Variants in SEL1L2 observed in about 807,000 individuals in gnomAD.
The protein encoded by SEL1L2 is protein sel-1 homolog 2.
In SEL1L2, 89 loss-of-function variants were observed where a neutral mutation model predicts 98.8. The observed-to-expected ratio is 0.90, with a 90% confidence interval of 0.76 to 1.07. The LOEUF (loss-of-function observed/expected upper bound fraction) is 1.07. Ranked by LOEUF, SEL1L2 falls within the 50% of genes least tolerant of loss-of-function variation. SEL1L2 has a pLI of 0.00. For synonymous variants in SEL1L2, 262 were observed against 278.5 expected (o/e 0.94, Z 0.59); for missense variants, 788 against 812.0 (o/e 0.97, Z 0.36).
intron 17 of SEL1L2, among the ~76,000 whole-genome samples, chr20:13,863,353 C>T (rs150480677): frequency 1.4e-3 from 208 of 152,200 alleles, no homozygotes; most frequent in Middle Eastern, 6.8e-3. Flanking sequence ...TCAGCTCCAC[C>T]CTAATAAGGG....
At chr20:13,964,447 A>ATTTTT (rs369646828) in intron 1 of SEL1L2, among the ~76,000 whole-genome samples, 2 of 111,466 alleles carry the variant, frequency 1.8e-5, no homozygotes, top group Non-Finnish European at 3.4e-5. Context: ...CTATCTCTTC[A>ATTTTT]TTTTTTTTTT....
intron 18 of SEL1L2, among the ~76,000 whole-genome samples, chr20:13,850,922 T>A (rs1452299780): frequency 1.3e-5 from 2 of 152,120 alleles, no homozygotes; most frequent in African/African-American, 4.8e-5. Context: ...CAGCTCCTAG[T>A]TGTGATTCCA....
At chr20:13,852,250 T>G (rs1243025550) in intron 18 of SEL1L2, among the ~76,000 whole-genome samples, 1 of 152,150 alleles carries the variant, frequency 6.6e-6, no homozygotes, top group Non-Finnish European at 1.5e-5. Flanking sequence ...AATTCAGTCA[T>G]TTAGTATTTT....
chr20:13,994,295 C>CA (rs10557935), upstream of SEL1L2, among the ~76,000 whole-genome samples: 2,023 of 70,520 alleles, frequency 0.029, 30 homozygotes, highest in Middle Eastern at 0.058. Flanking sequence ...AACTCTGCCT[C>CA]AAAAAAAAAA....
In SEL1L2 at chr20:13,850,292, C is replaced by T. The variant is rs762935961; in HGVS notation, c.1846G>A (p.Asp616Asn). 33 of 1,614,028 alleles carry T rather than the reference C, an allele frequency of 2.0e-5. No individual in the cohort carries two copies. Among genetic ancestry groups the T allele is most frequent in the South Asian group, 5.5e-5 (5 of 91,074 alleles). Residue 616 changes from aspartate (D) to asparagine (N), a missense_variant, in exon 19 of 20, where the codon GAC becomes AAC. By Grantham distance (23) the Asp-to-Asn change is conservative. Coordinates refer to ENST00000284951, the MANE Select transcript of SEL1L2 (RefSeq NM_025229.2). Reference protein sequence around the residue: ...KDIHLARRLYDMAAQTSPDAH... With the variant: ...KDIHLARRLYNMAAQTSPDAH... ...TCTGGACTCGTTTGAGCAGCCATGT[C>T]GTACAATCTTCTGGCCAAGTGAATG...
chr20:13,935,895 A>T (rs781282650), intron 2 of SEL1L2, among the ~76,000 whole-genome samples: 3 of 152,124 alleles, frequency 2.0e-5, no homozygotes, highest in Non-Finnish European at 4.4e-5. Context: ...TAGAGGGGGA[A>T]ATGGTGATAG....
chr20:13,989,213 A>G (rs2052412453), intron 1 of SEL1L2, among the ~76,000 whole-genome samples: 1 of 152,088 alleles, frequency 6.6e-6, no homozygotes, highest in Non-Finnish European at 1.5e-5. Flanking sequence ...TGTAAAATTT[A>G]TTCTTAAGTA....
chr20:13,964,473 A>G (rs188702277), intron 1 of SEL1L2, among the ~76,000 whole-genome samples: 1,824 of 117,692 alleles, frequency 0.015, 50 homozygotes, highest in African/African-American at 0.052. Context: ...TTTTTCTGAG[A>G]CAGAGTTTCG....
At chr20:13,900,662 C>A (rs1002609790) in intron 5 of SEL1L2, among the ~76,000 whole-genome samples, 1 of 152,136 alleles carries the variant, frequency 6.6e-6, no homozygotes, top group Non-Finnish European at 1.5e-5. Context: ...TGTGCCTGTG[C>A]GGCCAGGACT....
At chr20:13,952,067 T>C (rs540658144) in intron 2 of SEL1L2, among the ~76,000 whole-genome samples, 1 of 152,218 alleles carries the variant, frequency 6.6e-6, no homozygotes, top group South Asian at 2.1e-4. Context: ...TGCACCCAAA[T>C]CTTAGCAAGC....
chr20:13,953,014 A>G (rs1319365940), intron 2 of SEL1L2, among the ~76,000 whole-genome samples: 1 of 152,026 alleles, frequency 6.6e-6, no homozygotes. Context: ...CTGATAGGTA[A>G]TTTTGTCTCT....
chr20:13,940,481 G>A (rs946045782), intron 2 of SEL1L2, among the ~76,000 whole-genome samples: 2 of 152,202 alleles, frequency 1.3e-5, no homozygotes, highest in Non-Finnish European at 2.9e-5. Context: ...ACAGAGAGAA[G>A]TAGGGGGGTG....
At chr20:13,878,448 C>T (rs1011226593) in intron 10 of SEL1L2, among the ~76,000 whole-genome samples, 6 of 152,050 alleles carry the variant, frequency 3.9e-5, no homozygotes, top group South Asian at 2.1e-4. Context: ...GGATTACAGG[C>T]GCCCCCACCC....
At chr20:13,939,048 T>G (rs1221506518) in intron 2 of SEL1L2, among the ~76,000 whole-genome samples, 1 of 136,118 alleles carries the variant, frequency 7.3e-6, no homozygotes, top group East Asian at 2.1e-4. Context: ...TTGTTTTTTT[T>G]TTTTTTTTTT....
chr20:13,887,984 G>C lies in SEL1L2; in HGVS notation c.621C>G (p.Thr207=). The change falls in exon 7 of 20, where the codon ACC becomes ACG. Residue 207 remains threonine, a synonymous_variant. Transcript: ENST00000284951. ...YDQAKALIYY[T]FGSAGGNMMS... is the part of the protein sequence containing the mutation. ...TCATGTTTCCTCCAGCACTTCCAAA[G>C]GTGTAATATATCAGTGCCTAAAGTA... 1 of 1,613,526 alleles carries C rather than the reference G, an allele frequency of 6.2e-7. No individual in the cohort carries two copies. The highest frequency in any genetic ancestry group is 8.5e-7 in the Non-Finnish European group (1 of 1,179,812).
At chr20:13,864,751 T>C (rs1348913107) in intron 17 of SEL1L2, among the ~76,000 whole-genome samples, 1 of 152,206 alleles carries the variant, frequency 6.6e-6, no homozygotes, top group Non-Finnish European at 1.5e-5. Flanking sequence ...AGAAATCACA[T>C]GAGCCTTAGA....
intron 5 of SEL1L2, among the ~76,000 whole-genome samples, chr20:13,902,045 G>T (rs1040812121): frequency 6.6e-6 from 1 of 152,138 alleles, no homozygotes; most frequent in African/African-American, 2.4e-5. Flanking sequence ...TTTCTGGGTT[G>T]TCAGCTCATT....
At chr20:13,897,718 G>A (rs2047480207) in intron 5 of SEL1L2, among the ~76,000 whole-genome samples, 1 of 151,846 alleles carries the variant, frequency 6.6e-6, no homozygotes, top group Non-Finnish European at 1.5e-5. Context: ...CACAATAAGA[G>A]CCCGGGCATG....
chr20:13,916,999 G>T (rs923009738), intron 4 of SEL1L2, among the ~76,000 whole-genome samples: 3 of 152,214 alleles, frequency 2.0e-5, no homozygotes, highest in African/African-American at 7.2e-5. Context: ...CCCCTTCAAG[G>T]TTGAGTGGAT....
Sources: allele counts gnomAD v4.1 joint callset (sites outside exome capture counted in the v4.1 genomes callset), GRCh38; gene constraint gnomAD v4.1.1; transcripts MANE v1.5; gene names NCBI Gene and HGNC (gene_info 2026-07-23, HGNC 2026-07-21).